CNTNAP5: variants seen among roughly 807,000 people sequenced by gnomAD.
The protein encoded by CNTNAP5 is contactin-associated protein-like 5.
In CNTNAP5, 72 loss-of-function variants were observed where a neutral mutation model predicts 150.2. The ratio of observed to expected loss-of-function variants is 0.48; its 90% CI spans 0.40 to 0.58. CNTNAP5 has a LOEUF of 0.58. CNTNAP5 is among the 20% of genes least tolerant of loss of function. The pLI, the probability that CNTNAP5 is intolerant of heterozygous loss-of-function variation, is 0.00. For missense variants in CNTNAP5, 1,636 were observed against 1,626.2 expected (o/e 1.01, Z -0.10); for synonymous variants, 672 against 619.8 (o/e 1.08, Z -1.25).
At chr2:124,549,019 A>G (rs1370981714) in intron 10 of CNTNAP5, among the ~76,000 whole-genome samples, 8 of 152,216 alleles carry the variant, frequency 5.3e-5, no homozygotes, top group Admixed American at 1.3e-4. Context: ...CTCCATCACA[A>G]CAGCCTCCAT....
chr2:124,361,317 T>A lies in CNTNAP5; in HGVS notation c.382-56126T>A, dbSNP rs561123142. ...GCCTCCTTCTCTCAGCTCATCAAAG[T>A]CATTCTCCATCCAGCTTTGTTCCGT... On this transcript the variant is annotated intron_variant, in intron 3 of 23. Coordinates refer to ENST00000682447, the MANE Select transcript of CNTNAP5 (RefSeq NM_001367498.1). 4.0e-3 allele frequency among the ~76,000 whole-genome samples: 585 copies of A among 145,140 alleles called. 78 individuals carry two copies. Among genetic ancestry groups the A allele is most frequent in the African/African-American group, 0.014 (528 of 39,064 alleles).
At chr2:124,727,844 T>A (rs1680190798) in intron 13 of CNTNAP5, among the ~76,000 whole-genome samples, 1 of 152,022 alleles carries the variant, frequency 6.6e-6, no homozygotes, top group Admixed American at 6.6e-5. Flanking sequence ...AAGTACTATG[T>A]TGAATAGAAG....
chr2:124,740,422 C>T lies in CNTNAP5; in HGVS notation c.2078-6807C>T, dbSNP rs1278246012. Among the ~76,000 whole-genome samples, 9 of 152,168 alleles carry T rather than the reference C, an allele frequency of 5.9e-5. No homozygotes were observed. In the East Asian group the frequency reaches 1.5e-3, roughly 26 times the overall value. On this transcript the variant is annotated intron_variant, in intron 13 of 23. Coordinates refer to ENST00000682447, the MANE Select transcript of CNTNAP5 (RefSeq NM_001367498.1). ...CTGCATTGCAGTGACAGCCAAGCAC[C>T]GTGTTTGAAGGGGACAAAGGCATGG...
intron 1 of CNTNAP5, among the ~76,000 whole-genome samples, chr2:124,138,004 T>C (rs145654562): frequency 1.3e-5 from 2 of 152,254 alleles, no homozygotes; most frequent in African/African-American, 4.8e-5. Context: ...GCAGGGAGCA[T>C]AATCTTACCA....
chr2:124,744,564 C>A (rs1232102974), intron 13 of CNTNAP5, among the ~76,000 whole-genome samples: 1 of 152,032 alleles, frequency 6.6e-6, no homozygotes, highest in Non-Finnish European at 1.5e-5. Flanking sequence ...TGTTTTCTTA[C>A]GTGATTTATT....
rs1246750315 is a variant in CNTNAP5 at position 124,764,196 on chromosome 2, T to C, written c.2533+49T>C. 4.7e-6 allele frequency: 7 copies of C among 1,495,076 alleles called. No homozygotes were observed. The East Asian group carries it at 1.6e-4, about 34-fold the overall frequency. The allele number at this position is 1,495,076 out of a possible 1,614,324, so 92.6% of individuals were successfully genotyped here. A position where few individuals can be genotyped will look rare whatever the true frequency, so the allele number is the denominator to read the frequency against. On this transcript the variant is annotated intron_variant, in intron 16 of 23. Transcript: ENST00000682447. ...TAATGTAACTGATCAACAAACAAGT[T>C]TTAGTCTTGTTTTTGCCACCAGTCA...
intron 13 of CNTNAP5, among the ~76,000 whole-genome samples, chr2:124,678,235 A>G (rs904402554): frequency 6.6e-6 from 1 of 151,722 alleles, no homozygotes; most frequent in African/African-American, 2.4e-5. Flanking sequence ...AGCAGTTAAA[A>G]CTGTACTGAT....
intron 1 of CNTNAP5, among the ~76,000 whole-genome samples, chr2:124,194,609 C>A (rs1256759887): frequency 6.6e-6 from 1 of 150,634 alleles, no homozygotes; most frequent in Non-Finnish European, 1.5e-5. Flanking sequence ...TTTGGAAAAA[C>A]TGAATCCACA....
At chr2:124,224,026 C>T (rs1022917908) in intron 2 of CNTNAP5, among the ~76,000 whole-genome samples, 2 of 151,890 alleles carry the variant, frequency 1.3e-5, no homozygotes, top group African/African-American at 2.4e-5. Flanking sequence ...TGGTTCTCAT[C>T]CCAGGGCTGT....
chr2:124,535,233 G>A (rs1243169878), intron 10 of CNTNAP5, among the ~76,000 whole-genome samples: 1 of 152,184 alleles, frequency 6.6e-6, no homozygotes, highest in African/African-American at 2.4e-5. Context: ...GTGCACAGGA[G>A]GAAATGGAGG....
At chr2:124,842,253 G>A (rs77732079) in intron 19 of CNTNAP5, among the ~76,000 whole-genome samples, 3 of 152,220 alleles carry the variant, frequency 2.0e-5, no homozygotes, top group East Asian at 3.9e-4. Flanking sequence ...TTAGTAGCTC[G>A]ATGAAATCTC....
At chr2:124,563,460 T>C (rs942927269) in intron 11 of CNTNAP5, 137 bp downstream of exon 11, 8 of 613,064 alleles carry the variant, frequency 1.3e-5, no homozygotes, top group Non-Finnish European at 2.0e-5. Context: ...GAGGTTATTA[T>C]ATACCAAACA....
chr2:124,066,512 T>C, intron 1 of CNTNAP5, among the ~76,000 whole-genome samples: 1 of 152,284 alleles, frequency 6.6e-6, no homozygotes, highest in South Asian at 2.1e-4. Flanking sequence ...CAAAGTTTCC[T>C]GTCCTGCAGG....
chr2:124,691,063 T>C (rs1040921549), intron 13 of CNTNAP5, among the ~76,000 whole-genome samples: 1 of 152,064 alleles, frequency 6.6e-6, no homozygotes, highest in African/African-American at 2.4e-5. Context: ...TTTTTATATT[T>C]AGGCTCAACA....
chr2:124,509,953 A>G (rs1694518680), intron 8 of CNTNAP5, among the ~76,000 whole-genome samples: 1 of 152,144 alleles, frequency 6.6e-6, no homozygotes, highest in Non-Finnish European at 1.5e-5. Flanking sequence ...TATTAAGTAA[A>G]TAATACAGGA....
At chr2:124,708,818 A>C (rs908984632) in intron 13 of CNTNAP5, among the ~76,000 whole-genome samples, 1 of 152,206 alleles carries the variant, frequency 6.6e-6, no homozygotes, top group Non-Finnish European at 1.5e-5. Flanking sequence ...ATTGCTCAGC[A>C]GTTGATAACT....
chr2:124,080,448 C>T (rs1284652982), intron 1 of CNTNAP5, among the ~76,000 whole-genome samples: 1 of 152,180 alleles, frequency 6.6e-6, no homozygotes, highest in East Asian at 1.9e-4. Flanking sequence ...TCAGAAAGAA[C>T]ACTGTAACTC....
chr2:124,772,065 C>T (rs528429278), intron 16 of CNTNAP5, among the ~76,000 whole-genome samples: 1 of 151,930 alleles, frequency 6.6e-6, no homozygotes, highest in Admixed American at 6.6e-5. Flanking sequence ...TCAGCATTAA[C>T]ATTATGCCCA....
chr2:124,647,206 G>C (rs1678221231), intron 12 of CNTNAP5, among the ~76,000 whole-genome samples: 1 of 152,136 alleles, frequency 6.6e-6, no homozygotes, highest in African/African-American at 2.4e-5. Context: ...AGGTAATACG[G>C]GGAATAAATA....
Sources: gnomAD v4.1 joint callset for allele counts (sites outside exome capture counted in the v4.1 genomes callset) on GRCh38, gnomAD v4.1.1 for gene constraint, MANE v1.5 for transcripts, NCBI Gene and HGNC (gene_info 2026-07-23, HGNC 2026-07-21) for gene names.